Variants in CD200R1L observed in about 807,000 individuals in gnomAD.
The protein encoded by CD200R1L is cell surface glycoprotein CD200 receptor 2.
In CD200R1L, 14 loss-of-function variants were observed where a neutral mutation model predicts 24.8. The ratio of observed to expected loss-of-function variants is 0.56; its 90% CI spans 0.37 to 0.88. CD200R1L has a LOEUF of 0.88. CD200R1L is among the 40% of genes least tolerant of loss of function. The probability of loss-of-function intolerance (pLI) is 0.00; values close to 1 mark genes in which losing one functional copy is unlikely to be tolerated. For synonymous variants in CD200R1L, 111 were observed against 109.2 expected (o/e 1.02, Z -0.11); for missense variants, 299 against 297.8 (o/e 1.00, Z -0.03).
At chr3:112,829,705 G>A (rs985203384) in intron 3 of CD200R1L, 1 of 178,440 alleles carries the variant, frequency 5.6e-6, no homozygotes, top group Non-Finnish European at 1.1e-5. Context: ...GGTCCATGTG[G>A]GCATCTCACA....
intron 1 of CD200R1L, 35 bp from the exon 2 acceptor site, chr3:112,845,985 C>T (rs1939195341): frequency 1.2e-5 from 5 of 419,228 alleles, no homozygotes; most frequent in Admixed American, 4.1e-5. Context: ...ATGCTTACTA[C>T]TCATTGCTTC....
At position 112,845,796 on chromosome 3, in the gene CD200R1L, T is replaced by G; in HGVS notation, c.-204A>C. 1 of 1,237,836 alleles carries G rather than the reference T, an allele frequency of 8.1e-7. No individual in the cohort carries two copies. Among genetic ancestry groups the G allele is most frequent in the Non-Finnish European group, 1.2e-6 (1 of 845,770 alleles). The allele number at this position is 1,237,836 out of a possible 1,614,324, so 76.7% of individuals were successfully genotyped here. ...TCCACTTTAAATCAATCAACAGACT[T>G]GGTGAATCTGTTTCTCTTGGTCACT... On this transcript the variant is annotated 5_prime_UTR_variant, in exon 2 of 8. Transcript: ENST00000488794.
intron 6 of CD200R1L, among the ~76,000 whole-genome samples, chr3:112,821,247 T>C (rs1003865864): frequency 1.3e-5 from 2 of 152,062 alleles, no homozygotes; most frequent in African/African-American, 2.4e-5. Flanking sequence ...GAAAATGATA[T>C]GGTTACAGTC....
At chr3:112,835,951 C>T (rs1039809767) in intron 3 of CD200R1L, among the ~76,000 whole-genome samples, 4 of 152,244 alleles carry the variant, frequency 2.6e-5, no homozygotes, top group Admixed American at 1.3e-4. Flanking sequence ...GCTGCACCCC[C>T]TCTCTGTGTT....
chr3:112,845,773 C>A lies in CD200R1L; in HGVS notation c.-181G>T. On this transcript the variant is annotated 5_prime_UTR_variant, in exon 2 of 8. Transcript: ENST00000488794. Reference sequence around the variant, plus strand: ...GTGGTTTTCTACTTAAACATAAATCCACTTTAAATCAATCAACAGACTTGG... The same window carrying A: ...GTGGTTTTCTACTTAAACATAAATCAACTTTAAATCAATCAACAGACTTGG... 6.9e-7 allele frequency: 1 copy of A among 1,456,366 alleles called. No individual in the cohort carries two copies. Among genetic ancestry groups the A allele is most frequent in the Non-Finnish European group, 9.6e-7 (1 of 1,040,600 alleles). The allele number at this position is 1,456,366 out of a possible 1,614,324, so 90.2% of individuals were successfully genotyped here. A position where few individuals can be genotyped will look rare whatever the true frequency, so the allele number is the denominator to read the frequency against.
intron 6 of CD200R1L, among the ~76,000 whole-genome samples, chr3:112,822,565 G>T (rs537134274): frequency 6.6e-6 from 1 of 152,186 alleles, no homozygotes; most frequent in Non-Finnish European, 1.5e-5. Context: ...GAGGGGCTGG[G>T]AGGTTGGCAC....
intron 3 of CD200R1L, among the ~76,000 whole-genome samples, chr3:112,834,911 GC>G (rs1207180524): frequency 6.6e-6 from 1 of 152,230 alleles, no homozygotes; most frequent in Non-Finnish European, 1.5e-5. Context: ...ATGTGGTGGT[GC>G]CCAGAAGCTT....
At chr3:112,818,583 T>C (rs1938451629) in intron 7 of CD200R1L, among the ~76,000 whole-genome samples, 1 of 152,260 alleles carries the variant, frequency 6.6e-6, no homozygotes. Context: ...CAGACAGTGC[T>C]TCCAGTGGCT....
chr3:112,840,960 A>T (rs1272443958), intron 2 of CD200R1L, among the ~76,000 whole-genome samples: 3 of 152,342 alleles, frequency 2.0e-5, no homozygotes, highest in Non-Finnish European at 2.9e-5. Context: ...TTAGCATCAC[A>T]CAGTCCAGAG....
intron 6 of CD200R1L, among the ~76,000 whole-genome samples, chr3:112,824,850 A>G (rs1321509624): frequency 6.6e-6 from 1 of 152,190 alleles, no homozygotes; most frequent in Non-Finnish European, 1.5e-5. Context: ...CCAGAGGATC[A>G]ATGTCAAACT....
At chr3:112,825,960 G>A (rs1043554927) in intron 6 of CD200R1L, among the ~76,000 whole-genome samples, 39 of 152,056 alleles carry the variant, frequency 2.6e-4, no homozygotes, top group African/African-American at 8.9e-4. Flanking sequence ...CACAGCTAAC[G>A]AATACATGGT....
intron 7 of CD200R1L, among the ~76,000 whole-genome samples, chr3:112,817,200 A>G (rs900676609): frequency 1.6e-4 from 24 of 152,012 alleles, no homozygotes; most frequent in African/African-American, 5.6e-4. Flanking sequence ...GGCACACAAC[A>G]GCTTACATCA....
In CD200R1L at chr3:112,819,764, G is replaced by A; in HGVS notation, c.740+8C>T. On this transcript the variant is annotated splice_region_variant and intron_variant, in intron 7 of 7. Transcript: ENST00000488794. ...TGTGTCTTATGCTTTTCAGTCTTCA[G>A]TTCCTACCTGACATGATTTATCCTC... The A allele has an allele frequency of 1.3e-6, 2 of 1,592,356 alleles. No homozygotes were observed. The highest frequency in any genetic ancestry group is 1.7e-6 in the Non-Finnish European group (2 of 1,173,644).
chr3:112,845,635 GA>G (rs1375812003), intron 2 of CD200R1L, 43 bp downstream of exon 2: 2 of 1,497,510 alleles, frequency 1.3e-6, no homozygotes, highest in Admixed American at 3.4e-5. Context: ...ATCATTGAAA[GA>G]AAGCTTTATT....
In CD200R1L at chr3:112,826,910, C is replaced by T; in HGVS notation, c.616+83G>A. The T allele has an allele frequency of 2.0e-6, 3 of 1,468,866 alleles. No individual in the cohort carries two copies. The South Asian group carries it at 4.3e-5, about 21-fold the overall frequency. 91.0% of individuals were successfully genotyped at this position (1,468,866 alleles called of 1,614,324 possible). ...CAAGCTAGGAGCTCAAATTTTCTTA[C>T]CTGCTGTTTGGTTATTCGTTATTTT... is the stretch of plus-strand genomic sequence containing the variant. On this transcript the variant is annotated intron_variant, in intron 6 of 7. Transcript: ENST00000488794.
chr3:112,832,660 A>T (rs532880115), intron 3 of CD200R1L, among the ~76,000 whole-genome samples: 1 of 152,250 alleles, frequency 6.6e-6, no homozygotes, highest in Non-Finnish European at 1.5e-5. Context: ...TTACCAAAGT[A>T]TCAGCCCCAA....
At chr3:112,832,626 G>A (rs954870810) in intron 3 of CD200R1L, among the ~76,000 whole-genome samples, 2 of 152,118 alleles carry the variant, frequency 1.3e-5, no homozygotes, top group African/African-American at 2.4e-5. Flanking sequence ...ACTGGATGGT[G>A]AATTATAGTA....
At chr3:112,844,696 G>A (rs1340386829) in intron 2 of CD200R1L, among the ~76,000 whole-genome samples, 2 of 152,142 alleles carry the variant, frequency 1.3e-5, no homozygotes, top group Non-Finnish European at 2.9e-5. Flanking sequence ...GGAGCTGAGG[G>A]GGGTGGATCA....
At chr3:112,829,279 C>T (rs767789469) in intron 4 of CD200R1L, 40 bp downstream of exon 4, 14 of 1,507,866 alleles carry the variant, frequency 9.3e-6, no homozygotes, top group Middle Eastern at 1.7e-4. Context: ...GTTCAACTTT[C>T]CATCCCTCAG....
Sources: gnomAD v4.1 joint callset for allele counts (sites outside exome capture counted in the v4.1 genomes callset) on GRCh38, gnomAD v4.1.1 for gene constraint, MANE v1.5 for transcripts, NCBI Gene and HGNC (gene_info 2026-07-23, HGNC 2026-07-21) for gene names.